Variants in TAOK1 observed in about 807,000 individuals in gnomAD.
TAOK1 encodes TAO kinase 1.
In TAOK1, 21 loss-of-function variants were observed where a neutral mutation model predicts 138.3. That is an observed-to-expected ratio of 0.15 (90% CI 0.11 to 0.22). The LOEUF (loss-of-function observed/expected upper bound fraction) is 0.22. TAOK1 is among the 10% of genes least tolerant of loss of function. TAOK1 has a pLI of 1.00. For missense variants in TAOK1, 651 were observed against 1,227.7 expected, an observed-to-expected ratio of 0.53 and a Z score of 7.02; for synonymous variants, 361 against 398.4, an observed-to-expected ratio of 0.91 and a Z score of 1.12.
intron 14 of TAOK1, among the ~76,000 whole-genome samples, chr17:29,509,892 C>T (rs913918866): frequency 4.7e-5 from 7 of 150,302 alleles, no homozygotes; most frequent in Non-Finnish European, 8.9e-5. Context: ...GACCCTGTAA[C>T]ATATTTTTTG....
chr17:29,507,036 A>G (rs1435838278), intron 13 of TAOK1, among the ~76,000 whole-genome samples: 1 of 152,196 alleles, frequency 6.6e-6, no homozygotes, highest in Non-Finnish European at 1.5e-5. Context: ...TATGCAGAAT[A>G]AGTATATCTA....
At position 29,507,964 on chromosome 17, in the gene TAOK1, A is replaced by G; in HGVS notation, c.1407A>G (p.Arg469=). The change falls in exon 14 of 20, where the codon CGA becomes CGG. Residue 469 remains arginine (R), a synonymous_variant. Transcript: ENST00000261716. The part of the protein sequence containing the change: ...ELREQMSGYK[R]MRRQHQKQLM... ...GAGAACAAATGTCTGGCTATAAGCGAATGAGGCGACAACATCAAAAGCAAC... is the reference window on the plus strand; with the variant it reads ...GAGAACAAATGTCTGGCTATAAGCGGATGAGGCGACAACATCAAAAGCAAC... 3.1e-6 allele frequency: 5 copies of G among 1,614,170 alleles called. No homozygotes were observed. In the Admixed American group the frequency reaches 5.0e-5, roughly 16 times the overall value.
chr17:29,440,275 C>T (rs1418796626), intron 1 of TAOK1, among the ~76,000 whole-genome samples: 1 of 152,096 alleles, frequency 6.6e-6, no homozygotes, highest in Non-Finnish European at 1.5e-5. Flanking sequence ...TAAGTCCTAG[C>T]ACTCACATAG....
intron 19 of TAOK1, among the ~76,000 whole-genome samples, chr17:29,540,523 C>T (rs2032298135): frequency 1.3e-5 from 2 of 151,986 alleles, no homozygotes; most frequent in African/African-American, 2.4e-5. Flanking sequence ...TGCCACCACT[C>T]CCGGCTAATT....
intron 13 of TAOK1, among the ~76,000 whole-genome samples, chr17:29,505,321 A>C (rs2031610208): frequency 6.6e-6 from 1 of 152,126 alleles, no homozygotes; most frequent in Admixed American, 6.6e-5. Context: ...GTCTGAAACA[A>C]GGTACAGTTA....
intron 6 of TAOK1, 48 bp downstream of exon 6, chr17:29,478,395 T>A (rs373567340): frequency 6.2e-5 from 80 of 1,281,194 alleles, no homozygotes; most frequent in Non-Finnish European, 8.1e-5. Flanking sequence ...GCTTGTTGCA[T>A]ATACCAACTT....
At chr17:29,418,947 TATG>T (rs1567713037) in intron 1 of TAOK1, among the ~76,000 whole-genome samples, 7 of 132,580 alleles carry the variant, frequency 5.3e-5, no homozygotes, top group African/African-American at 8.3e-5. Flanking sequence ...TTTTTTTTTT[TATG>T]TATGTTTTAG....
intron 17 of TAOK1, among the ~76,000 whole-genome samples, chr17:29,529,930 G>T (rs1019922473): frequency 3.3e-5 from 5 of 151,794 alleles, no homozygotes; most frequent in Non-Finnish European, 7.4e-5. Context: ...AGGAGGCTGA[G>T]GTGGGACGAT....
chr17:29,502,796 C>A, intron 13 of TAOK1, 73 bp downstream of exon 13: 2 of 1,484,916 alleles, frequency 1.3e-6, no homozygotes, highest in South Asian at 1.3e-5. Flanking sequence ...TCAAGTATAG[C>A]TATATATTGT....
chr17:29,474,907 G>C (rs1401446515), intron 3 of TAOK1, among the ~76,000 whole-genome samples: 1 of 150,630 alleles, frequency 6.6e-6, no homozygotes, highest in Non-Finnish European at 1.5e-5. Flanking sequence ...GCTGTAAATT[G>C]AGATATGCCT....
Position 29,550,319 on chromosome 17 carries a change from C to T in TAOK1, c.*7297C>T, listed in dbSNP as rs1253494167. On this transcript the variant is annotated 3_prime_UTR_variant, in exon 20 of 20. Transcript: ENST00000261716. The stretch of plus-strand genomic sequence containing the variant: ...GTGCACATAACTTCCCCGGACTGTT[C>T]CAATCTGATAATTTGTAAATGCTTT... The T allele has an allele frequency of 6.6e-6, 1 of 152,094 alleles. No homozygotes were observed. Among genetic ancestry groups the T allele is most frequent in the Non-Finnish European group, 1.5e-5 (1 of 68,022 alleles). The allele number at this position is 152,094 out of a possible 1,614,324, so 9.4% of individuals were successfully genotyped here.
chr17:29,489,668 A>G lies in TAOK1; in HGVS notation c.660A>G (p.Glu220=), dbSNP rs9897675. ...SLGITCIELA[E]RKPPLFNMNA... The stretch of plus-strand genomic sequence containing the variant: ...AATGTTTCCTTTCTTTTACAGCGGA[A>G]AGGAAGCCTCCTTTATTTAATATGA... The change falls in exon 9 of 20, where the codon GAA becomes GAG. Residue 220 remains glutamate, a synonymous_variant. Transcript: ENST00000261716. 4.0e-3 allele frequency: 6,350 copies of G among 1,606,000 alleles called. 195 individuals carry two copies. In the African/African-American group the frequency reaches 0.074, roughly 19 times the overall value.
intron 12 of TAOK1, among the ~76,000 whole-genome samples, chr17:29,499,587 T>A: frequency 6.7e-6 from 1 of 148,220 alleles, no homozygotes; most frequent in East Asian, 2.0e-4. Context: ...GAGACAGAGT[T>A]TTGCTCTTGT....
chr17:29,537,353 G>T (rs2032239546), intron 19 of TAOK1, among the ~76,000 whole-genome samples: 1 of 151,614 alleles, frequency 6.6e-6, no homozygotes, highest in South Asian at 2.1e-4. Context: ...ATACTTGTTT[G>T]TTTTTTTTCA....
chr17:29,522,403 A>G lies in TAOK1; in HGVS notation c.2032A>G (p.Ile678Val). ...NTIQKMRCEL[I>V]RLQHQTELTN... The stretch of plus-strand genomic sequence containing the variant: ...AATTCAGAAGATGCGCTGTGAGTTG[A>G]TCAGATTACAGCATCAAACTGAGCT... Residue 678 changes from isoleucine to valine, a missense_variant, in exon 17 of 20, where the codon ATC becomes GTC. Ile to Val is a conservative substitution (Grantham distance 29). Transcript: ENST00000261716. 6.2e-7 allele frequency: 1 copy of G among 1,614,202 alleles called. No homozygotes were observed. The highest frequency in any genetic ancestry group is 8.5e-7 in the Non-Finnish European group (1 of 1,180,040).
chr17:29,453,607 C>T (rs934366141), intron 2 of TAOK1, among the ~76,000 whole-genome samples: 11 of 151,174 alleles, frequency 7.3e-5, no homozygotes, highest in Non-Finnish European at 1.0e-4. Context: ...GACAGAGCGT[C>T]GCTCTGTTGC....
intron 13 of TAOK1, among the ~76,000 whole-genome samples, chr17:29,507,260 GGTTTTTTTTTT>G (rs1398819769): frequency 6.6e-6 from 1 of 150,710 alleles, no homozygotes; most frequent in East Asian, 1.9e-4. Context: ...TTTAAATTGA[GGTTTTTTTTTT>G]GTTTTTTTTT....
rs1052117389 is a variant in TAOK1, at chr17:29,459,056, A to T, written c.132+7376A>T. On this transcript the variant is annotated intron_variant, in intron 2 of 19. Transcript: ENST00000261716. ...TTTTTACTAGAGATGGGGTTTCACC[A>T]TGTTGGCCGGTTACTTAAGGAGAAT... Among the ~76,000 whole-genome samples the T allele has an allele frequency of 3.3e-5, 5 of 152,100 alleles. No individual in the cohort carries two copies. In the East Asian group the frequency reaches 9.7e-4, roughly 29 times the overall value.
intron 11 of TAOK1, among the ~76,000 whole-genome samples, chr17:29,496,358 C>T (rs1428135658): frequency 6.6e-6 from 1 of 151,872 alleles, no homozygotes; most frequent in Non-Finnish European, 1.5e-5. Flanking sequence ...CCTCAGGTGG[C>T]CCACCTGCCT....
Sources: gnomAD v4.1 joint callset for allele counts (sites outside exome capture counted in the v4.1 genomes callset) on GRCh38, gnomAD v4.1.1 for gene constraint, MANE v1.5 for transcripts, NCBI Gene and HGNC (gene_info 2026-07-23, HGNC 2026-07-21) for gene names.